Variants in FRMPD4 observed in about 807,000 individuals in gnomAD.
FRMPD4 encodes FERM and PDZ domain-containing protein 4.
A neutral mutation model predicts 94.1 loss-of-function variants in FRMPD4; 22 were observed. That is an observed-to-expected ratio of 0.23 (90% CI 0.17 to 0.33). The LOEUF is 0.33. FRMPD4 is among the 10% of genes least tolerant of loss of function. The pLI is 1.00. For missense variants in FRMPD4, 1,111 were observed against 1,339.9 expected, an observed-to-expected ratio of 0.83 and a Z score of 2.67; for synonymous variants, 631 against 548.6, an observed-to-expected ratio of 1.15 and a Z score of -2.10.
upstream of FRMPD4, among the ~76,000 whole-genome samples, chrX:12,134,721 G>T (rs774689914): frequency 7.1e-5 from 8 of 112,368 alleles, no homozygotes; most frequent in East Asian, 2.2e-3. Flanking sequence ...GCAACAAAGT[G>T]TTTGATTTTT....
chrX:12,564,939 G>A (rs2058697375), intron 2 of FRMPD4, among the ~76,000 whole-genome samples: 1 of 110,820 alleles, frequency 9.0e-6, no homozygotes, highest in Non-Finnish European at 1.9e-5. Flanking sequence ...ATAGTAGCAT[G>A]GCCGGGCGTG....
intron 4 of FRMPD4, among the ~76,000 whole-genome samples, chrX:12,632,874 G>T (rs917431109): frequency 8.9e-5 from 10 of 112,337 alleles, no homozygotes; most frequent in African/African-American, 3.2e-4. Flanking sequence ...ACAAAAAAAG[G>T]ATTTTGTACT....
At chrX:12,142,405 C>T (rs990406545) in intron 1 of FRMPD4, among the ~76,000 whole-genome samples, 10 of 111,044 alleles carry the variant, frequency 9.0e-5, no homozygotes, top group Non-Finnish European at 1.7e-4. Flanking sequence ...AAATATTTCC[C>T]AGGGAAAAGG....
At chrX:12,044,917 A>G (rs765815948) in intron 3 of FRMPD4, among the ~76,000 whole-genome samples, 1 of 112,200 alleles carries the variant, frequency 8.9e-6, no homozygotes, top group East Asian at 2.8e-4. Context: ...ATAATAGCAA[A>G]TACAGACATC....
At chrX:11,835,393 CCTT>C (rs1157978332) in intron 1 of FRMPD4, among the ~76,000 whole-genome samples, 2 of 111,926 alleles carry the variant, frequency 1.8e-5, no homozygotes, top group Non-Finnish European at 3.8e-5. Context: ...TCCTCCATCT[CCTT>C]CTTTCTTATC....
Position 11,913,125 on chromosome X carries a change from T to C in FRMPD4, c.95+35107T>C, listed in dbSNP as rs779086883. On this transcript the variant is annotated intron_variant, in intron 3 of 18. Transcript: ENST00000640291. Reference sequence around the variant, plus strand: ...TTTGTCTAGCCTGCGATTCACAATGTTTAGTGGGCCTATGCATTTCAGGGA... The same window carrying C: ...TTTGTCTAGCCTGCGATTCACAATGCTTAGTGGGCCTATGCATTTCAGGGA... Among the ~76,000 whole-genome samples, 4 of 112,282 alleles carry C rather than the reference T, an allele frequency of 3.6e-5. No homozygotes were observed. The South Asian group carries it at 1.5e-3, about 42-fold the overall frequency.
chrX:12,079,541 C>T (rs1197571392), intron 3 of FRMPD4, among the ~76,000 whole-genome samples: 6 of 111,845 alleles, frequency 5.4e-5, no homozygotes, highest in African/African-American at 1.6e-4. Flanking sequence ...ATAAAATGTA[C>T]ACAACTGGAA....
intron 1 of FRMPD4, among the ~76,000 whole-genome samples, chrX:12,139,382 G>A (rs1380195471): frequency 9.0e-6 from 1 of 110,954 alleles, no homozygotes; most frequent in Admixed American, 9.5e-5. Flanking sequence ...GAGCTTGGGT[G>A]CCTGCCTTCC....
chrX:12,273,207 T>G, intron 1 of FRMPD4, among the ~76,000 whole-genome samples: 1 of 112,520 alleles, frequency 8.9e-6, no homozygotes, highest in East Asian at 2.8e-4. Context: ...AGTAAGTACT[T>G]TTTGGTTTGT....
chrX:12,001,529 G>C (rs2054524451), intron 3 of FRMPD4, among the ~76,000 whole-genome samples: 1 of 111,995 alleles, frequency 8.9e-6, no homozygotes, highest in Non-Finnish European at 1.9e-5. Flanking sequence ...GACAAATATT[G>C]ATTCAGGAAA....
intron 2 of FRMPD4, among the ~76,000 whole-genome samples, chrX:12,545,574 G>T (rs1212023106): frequency 8.9e-6 from 1 of 112,902 alleles, no homozygotes; most frequent in Non-Finnish European, 1.9e-5. Flanking sequence ...TAATTCAAAT[G>T]GGCATAACTC....
At chrX:12,210,181 G>A (rs752849722) in intron 1 of FRMPD4, among the ~76,000 whole-genome samples, 1 of 111,870 alleles carries the variant, frequency 8.9e-6, no homozygotes, top group South Asian at 3.7e-4. Context: ...AAGAAATGCA[G>A]ACCAAAAAGA....
chrX:12,369,090 A>G (rs762823472), intron 1 of FRMPD4, among the ~76,000 whole-genome samples: 48 of 110,221 alleles, frequency 4.4e-4, no homozygotes, highest in Admixed American at 7.8e-4. Context: ...GCCCCCAGAA[A>G]ACAGAACTTC....
At chrX:12,133,284 C>G (rs777666459) in intron 3 of FRMPD4, among the ~76,000 whole-genome samples, 20 of 109,517 alleles carry the variant, frequency 1.8e-4, no homozygotes, top group Admixed American at 1.1e-3. Flanking sequence ...GTTACCCAGG[C>G]TGGTCTCGAA....
chrX:12,443,917 C>A (rs1210058377), intron 1 of FRMPD4, among the ~76,000 whole-genome samples: 2 of 111,907 alleles, frequency 1.8e-5, no homozygotes, highest in African/African-American at 3.2e-5. Flanking sequence ...ACTTGCATAT[C>A]ATTTGCGTCA....
intron 5 of FRMPD4, among the ~76,000 whole-genome samples, chrX:12,682,482 C>T (rs1981009900): frequency 1.8e-5 from 2 of 112,489 alleles, no homozygotes; most frequent in African/African-American, 6.5e-5. Context: ...TGACCATTTT[C>T]ATTTATAAAA....
chrX:12,479,326 G>A (rs1275169593), intron 1 of FRMPD4, among the ~76,000 whole-genome samples: 2 of 102,509 alleles, frequency 2.0e-5, no homozygotes, highest in South Asian at 4.2e-4. Flanking sequence ...CTATTGTGAT[G>A]TAAATGAGCA....
At chrX:11,893,767 A>T (rs146130387) in intron 3 of FRMPD4, among the ~76,000 whole-genome samples, 472 of 111,615 alleles carry the variant, frequency 4.2e-3, no homozygotes, top group African/African-American at 0.015. Context: ...TGCAACTACC[A>T]TCCAAGGATT....
chrX:12,251,417 C>T (rs577642408), intron 1 of FRMPD4, among the ~76,000 whole-genome samples: 4 of 112,208 alleles, frequency 3.6e-5, no homozygotes, highest in Admixed American at 9.4e-5. Flanking sequence ...GCCCCCAGCC[C>T]GTACACACAA....
Sources: allele counts gnomAD v4.1 joint callset (sites outside exome capture counted in the v4.1 genomes callset), GRCh38; gene constraint gnomAD v4.1.1; transcripts MANE v1.5; gene names NCBI Gene and HGNC (gene_info 2026-07-23, HGNC 2026-07-21).